PCDHGA2: variants seen among roughly 807,000 people sequenced by gnomAD.
PCDHGA2 encodes protocadherin gamma-A2.
In PCDHGA2, 40 loss-of-function variants were observed where a neutral mutation model predicts 59.2. That is an observed-to-expected ratio of 0.68 (90% CI 0.52 to 0.88). The LOEUF (loss-of-function observed/expected upper bound fraction) is 0.88, where lower values mean the gene tolerates loss of function less well. Among genes scored for constraint, PCDHGA2 ranks in the 40% least tolerant of loss-of-function variants. PCDHGA2 has a pLI of 0.00. For synonymous variants in PCDHGA2, 560 were observed against 526.0 expected (o/e 1.06, Z -0.89); for missense variants, 1,226 against 1,204.0 (o/e 1.02, Z -0.27).
intron 3 of PCDHGA2, among the ~76,000 whole-genome samples, chr5:141,508,620 G>A (rs1017391751): frequency 2.0e-5 from 3 of 152,070 alleles, no homozygotes; most frequent in East Asian, 1.9e-4. Context: ...GACGTGGGTG[G>A]GCCGAGCTTC....
At chr5:141,394,016 T>C in intron 1 of PCDHGA2, 1 of 1,613,452 alleles carries the variant, frequency 6.2e-7, no homozygotes, top group Non-Finnish European at 8.5e-7. Context: ...TAGGTAATTA[T>C]TATAGATTAG....
In PCDHGA2 at chr5:141,419,702, G is replaced by A. The variant is rs116279995; in HGVS notation, c.2425-75105G>A. 1.9e-3 allele frequency: 3,028 copies of A among 1,612,950 alleles called. 48 individuals are homozygous for A. In the African/African-American group the frequency reaches 0.033, roughly 18 times the overall value. The stretch of plus-strand genomic sequence containing the variant: ...CCACGTGGTGCAGGCCAGTGAGCCC[G>A]GGCTCTTCAGCCTGGGGCTGCGAAC... On this transcript the variant is annotated intron_variant, in intron 1 of 3. Transcript: ENST00000394576.
chr5:141,394,208 C>A (rs972602841), intron 1 of PCDHGA2: 6 of 1,613,930 alleles, frequency 3.7e-6, no homozygotes, highest in Non-Finnish European at 5.1e-6. Context: ...TAGAGAACAA[C>A]CTGAGAGGAG....
At chr5:141,507,680 A>C (rs73794928) in intron 3 of PCDHGA2, among the ~76,000 whole-genome samples, 2,806 of 152,362 alleles carry the variant, frequency 0.018, 91 homozygotes, top group African/African-American at 0.063. Flanking sequence ...GATGTTAAAA[A>C]CAGAAATGAA....
chr5:141,409,187 A>C, intron 1 of PCDHGA2: 1 of 1,614,024 alleles, frequency 6.2e-7, no homozygotes, highest in Non-Finnish European at 8.5e-7. Flanking sequence ...TGGTCTCTCT[A>C]CCCAGTGTAA....
At chr5:141,483,840 T>C (rs996866862) in intron 1 of PCDHGA2, among the ~76,000 whole-genome samples, 2 of 152,172 alleles carry the variant, frequency 1.3e-5, no homozygotes, top group South Asian at 2.1e-4. Context: ...AAGGACTTGG[T>C]TGAATTAAGA....
At chr5:141,373,265 A>G (rs1038274272) in intron 1 of PCDHGA2, among the ~76,000 whole-genome samples, 1 of 152,258 alleles carries the variant, frequency 6.6e-6, no homozygotes, top group Non-Finnish European at 1.5e-5. Context: ...TTAAAAGTAT[A>G]CACAGATGTT....
intron 2 of PCDHGA2, among the ~76,000 whole-genome samples, chr5:141,498,451 T>C (rs1426888821): frequency 6.6e-6 from 1 of 152,126 alleles, no homozygotes; most frequent in Non-Finnish European, 1.5e-5. Context: ...AGGTTCCTTT[T>C]ATCCAGTCTA....
intron 1 of PCDHGA2, among the ~76,000 whole-genome samples, chr5:141,382,076 G>T (rs185685959): frequency 6.6e-6 from 1 of 152,032 alleles, no homozygotes; most frequent in Non-Finnish European, 1.5e-5. Context: ...TGATCCGCCC[G>T]CCTCGGCCTC....
intron 1 of PCDHGA2, chr5:141,344,836 A>G (rs1757480684): frequency 6.2e-7 from 1 of 1,613,768 alleles, no homozygotes; most frequent in African/African-American, 1.3e-5. Flanking sequence ...AATGCCACTG[A>G]CCCTGACGAG....
chr5:141,395,364 A>G, intron 1 of PCDHGA2: 1 of 1,264,440 alleles, frequency 7.9e-7, no homozygotes, highest in Non-Finnish European at 1.1e-6. Flanking sequence ...TTTTGGGTTT[A>G]TTTTGGTGGT....
chr5:141,346,271 T>C, intron 1 of PCDHGA2: 2 of 1,614,148 alleles, frequency 1.2e-6, no homozygotes, highest in South Asian at 1.1e-5. Context: ...CGGACGGGGT[T>C]CGGGCTTTCC....
intron 1 of PCDHGA2, 63 bp downstream of exon 1, chr5:141,341,458 T>C: frequency 1.2e-6 from 2 of 1,603,624 alleles, no homozygotes; most frequent in South Asian, 1.1e-5. Flanking sequence ...CTTACTTGTT[T>C]ACTATATCTA....
In PCDHGA2 at chr5:141,491,250, C is replaced by T. The variant is rs1328621598; in HGVS notation, c.2425-3557C>T. The T allele has an allele frequency of 6.2e-7, 1 of 1,614,148 alleles. No individual in the cohort carries two copies. Among genetic ancestry groups the T allele is most frequent in the South Asian group, 1.1e-5 (1 of 91,092 alleles). ...TGCTGCTGGTTCTGGAGGATGAGGA[C>T]CCTGAGGAAATGCCCAAATCCAGTG... On this transcript the variant is annotated intron_variant, in intron 1 of 3. Transcript: ENST00000394576. The surrounding 1 kb of genome is among the most constrained non-coding windows in gnomAD (Gnocchi z 6.9).
intron 1 of PCDHGA2, chr5:141,371,150 A>G: frequency 1.2e-6 from 2 of 1,614,018 alleles, no homozygotes; most frequent in Non-Finnish European, 1.7e-6. Context: ...TCAATGTTGC[A>G]GAGAACCTGC....
At chr5:141,396,636 A>G (rs1206522598) in intron 1 of PCDHGA2, 1 of 152,050 alleles carries the variant, frequency 6.6e-6, no homozygotes, top group African/African-American at 2.4e-5. Context: ...AAAAAAAACT[A>G]ATATTAATAG....
intron 1 of PCDHGA2, chr5:141,383,630 T>C: frequency 6.2e-7 from 1 of 1,613,986 alleles, no homozygotes; most frequent in Non-Finnish European, 8.5e-7. Context: ...GTCTTCTCTC[T>C]GCCTCAGTAC....
chr5:141,376,552 C>G lies in PCDHGA2; in HGVS notation c.2424+35157C>G, dbSNP rs372170088. On this transcript the variant is annotated intron_variant, in intron 1 of 3. Transcript: ENST00000394576. ...AGCGGGAAGAGTAATCTGATCTTCC[C>G]GCAACCCAACTAATCAGACAGGCTC... 3 of 1,611,220 alleles carry G rather than the reference C, an allele frequency of 1.9e-6. No individual in the cohort carries two copies. The African/African-American group carries it at 4.0e-5, about 22-fold the overall frequency.
intron 1 of PCDHGA2, chr5:141,478,144 G>A (rs2099432883): frequency 6.2e-7 from 1 of 1,613,918 alleles, no homozygotes; most frequent in Non-Finnish European, 8.5e-7. Flanking sequence ...CCCGAGCCGA[G>A]TTCCCCTCTG....
Sources: gnomAD v4.1 joint callset for allele counts (sites outside exome capture counted in the v4.1 genomes callset) on GRCh38, gnomAD v4.1.1 for gene constraint, Gnocchi (gnomAD v3.1) non-coding constraint, MANE v1.5 for transcripts, NCBI Gene and HGNC (gene_info 2026-07-23, HGNC 2026-07-21) for gene names.